MEIOB: variants seen among roughly 807,000 people sequenced by gnomAD.
MEIOB encodes meiosis specific with OB-fold.
A neutral mutation model predicts 53.1 loss-of-function variants in MEIOB; 50 were observed. The observed-to-expected ratio is 0.94, with a 90% CI of 0.75 to 1.19. The LOEUF is 1.19. Ranked by LOEUF, MEIOB falls within the 50% of genes most tolerant of loss-of-function variation. The pLI is 0.00. For synonymous variants in MEIOB, 192 were observed against 182.5 expected, an observed-to-expected ratio of 1.05 and a Z score of -0.42; for missense variants, 551 against 550.8, an observed-to-expected ratio of 1.00 and a Z score of 0.00.
At chr16:1,855,354 C>T (rs1202221077) in intron 6 of MEIOB, among the ~76,000 whole-genome samples, 1 of 152,078 alleles carries the variant, frequency 6.6e-6, no homozygotes, top group Non-Finnish European at 1.5e-5. Flanking sequence ...ATTGCTTGAA[C>T]CCGGGAGGTG....
At chr16:1,841,353 C>T (rs1567273152) in intron 11 of MEIOB, among the ~76,000 whole-genome samples, 1 of 152,092 alleles carries the variant, frequency 6.6e-6, no homozygotes, top group African/African-American at 2.4e-5. Context: ...ATACTAACTT[C>T]GATCTACAAG....
chr16:1,847,095 C>T (rs1198620406), intron 9 of MEIOB, among the ~76,000 whole-genome samples: 1 of 152,016 alleles, frequency 6.6e-6, no homozygotes, highest in African/African-American at 2.4e-5. Flanking sequence ...GCAGAGACTG[C>T]AGTAAGCCGA....
At chr16:1,861,923 C>T in intron 4 of MEIOB, 62 bp downstream of exon 4, 1 of 1,458,680 alleles carries the variant, frequency 6.9e-7, no homozygotes, top group Non-Finnish European at 9.3e-7. Context: ...GTATAGTTAC[C>T]ATAAACATAC....
chr16:1,842,751 C>T (rs1457733691), intron 10 of MEIOB, among the ~76,000 whole-genome samples: 2 of 151,104 alleles, frequency 1.3e-5, no homozygotes, highest in Non-Finnish European at 2.9e-5. Flanking sequence ...GCAAGCTCCG[C>T]CTCCCAGGTT....
chr16:1,855,705 T>C (rs1899282798), intron 6 of MEIOB, among the ~76,000 whole-genome samples: 1 of 152,190 alleles, frequency 6.6e-6, no homozygotes, highest in Non-Finnish European at 1.5e-5. Flanking sequence ...CTGAATAGGA[T>C]TGAACATAAA....
chr16:1,853,065 G>C lies in MEIOB; in HGVS notation c.752C>G (p.Ser251Ter). The C allele has an allele frequency of 6.2e-7, 1 of 1,611,918 alleles. No homozygotes were observed. The highest frequency in any genetic ancestry group is 2.2e-5 in the East Asian group (1 of 44,804). ...TGGATTAGTTGTAATAATGGTTTTT[G>C]AGATTACAGTTGCTGTCATGCAGTT... ...FRNCMTATVISKTIITTNPDI... is the reference protein window; with the variant it reads ...FRNCMTATVI Residue 251 changes from serine to a stop codon, truncating the protein, a stop_gained, in exon 9 of 14, where the codon TCA (serine) becomes TGA (stop). Transcript: ENST00000325962. LOFTEE classifies it high-confidence loss of function.
At chr16:1,870,222 G>A (rs1418317651) in intron 1 of MEIOB, among the ~76,000 whole-genome samples, 1 of 152,196 alleles carries the variant, frequency 6.6e-6, no homozygotes, top group African/African-American at 2.4e-5. Flanking sequence ...AACTACATGA[G>A]GGCAGAGGTG....
intron 12 of MEIOB, 92 bp downstream of exon 12, chr16:1,839,163 T>C: frequency 7.2e-7 from 1 of 1,398,530 alleles, no homozygotes; most frequent in Non-Finnish European, 9.5e-7. Context: ...AATCAATTTC[T>C]ATCAAATGTT....
Position 1,868,278 on chromosome 16 carries a change from C to T in MEIOB, c.-9-94G>A, listed in dbSNP as rs540396527. On this transcript the variant is annotated intron_variant, in intron 1 of 13. Coordinates refer to ENST00000325962, the MANE Select transcript of MEIOB (RefSeq NM_001163560.3). ...AAGAGTTTAAAATCTTATTTAGGGC[C>T]GGACATGGTGGCTCATACCTGTAAT... 3.0e-4 allele frequency: 202 copies of T among 667,808 alleles called. No individual in the cohort carries two copies. In the Admixed American group the frequency reaches 4.5e-3, roughly 15 times the overall value. The allele number at this position is 667,808 out of a possible 1,614,324, so 41.4% of individuals were successfully genotyped here.
Position 1,857,771 on chromosome 16 carries a change from A to G in MEIOB, c.492T>C (p.Asn164=). 1 of 1,552,008 alleles carries G rather than the reference A, an allele frequency of 6.4e-7. No homozygotes were observed. Among genetic ancestry groups the G allele is most frequent in the Admixed American group, 2.0e-5 (1 of 50,964 alleles). ...GDIVANGHSL[N]GRIINVLAAV... ...CTGCAAGCACGTTAATAATCCTCCC[A>G]TTAAGACTGTGTCCATTTGCAACAA... is the stretch of plus-strand genomic sequence containing the variant. Residue 164 remains asparagine (N), a synonymous_variant, in exon 6 of 14, where the codon AAT becomes AAC. Transcript: ENST00000325962.
chr16:1,844,242 C>T (rs1429546743), intron 10 of MEIOB, among the ~76,000 whole-genome samples: 4 of 151,534 alleles, frequency 2.6e-5, no homozygotes, highest in Non-Finnish European at 5.9e-5. Flanking sequence ...CCTGCCTCAG[C>T]CTCCTGAGTA....
At chr16:1,845,001 G>A in intron 9 of MEIOB, 38 bp from the exon 10 acceptor site, 1 of 901,194 alleles carries the variant, frequency 1.1e-6, no homozygotes, top group Non-Finnish European at 1.8e-6. Context: ...AAAGCAAACT[G>A]ATTATCATTT....
chr16:1,855,150 G>C (rs1246195273), intron 6 of MEIOB, among the ~76,000 whole-genome samples: 1 of 152,206 alleles, frequency 6.6e-6, no homozygotes, highest in African/African-American at 2.4e-5. Flanking sequence ...AGTGTGAAGA[G>C]TGGCCGGGAG....
intron 11 of MEIOB, 41 bp from the exon 12 acceptor site, chr16:1,839,479 A>T: frequency 6.5e-7 from 1 of 1,537,764 alleles, no homozygotes; most frequent in Non-Finnish European, 8.8e-7. Flanking sequence ...TGATGCCCTA[A>T]GCTACAAATT....
At chr16:1,854,707 C>T (rs1899258478) in intron 6 of MEIOB, among the ~76,000 whole-genome samples, 1 of 152,152 alleles carries the variant, frequency 6.6e-6, no homozygotes, top group Admixed American at 6.5e-5. Context: ...TTTGCCTTCT[C>T]CACAGGGCTA....
rs181182070 is a variant in MEIOB, at chr16:1,869,964, C to A, written c.-9-1780G>T. On this transcript the variant is annotated intron_variant, in intron 1 of 13. Transcript: ENST00000325962. ...TCAGCTCACTGCAACCTCTACCTCC[C>A]AGGTTCAAGCGATTCTCCTGCCTCA... Among the ~76,000 whole-genome samples, 924 of 150,374 alleles carry A rather than the reference C, an allele frequency of 6.1e-3. 7 individuals carry two copies. Among genetic ancestry groups the A allele is most frequent in the African/African-American group, 0.021 (876 of 40,870 alleles).
Position 1,844,952 on chromosome 16 carries a change from C to T in MEIOB, c.790G>A (p.Ala264Thr), listed in dbSNP as rs1898994950. ...CGTATAAAATTCAGCAGAATGTTAG[C>T]TTCTGGTATATCTTAAATTGAAAAT... ...IITTNPDIPE[A>T]NILLNFIREN... Residue 264 changes from alanine (A) to threonine (T), a missense_variant, in exon 10 of 14, where the codon GCT (alanine) becomes ACT (threonine). Coordinates refer to ENST00000325962, the MANE Select transcript of MEIOB (RefSeq NM_001163560.3). 1 of 1,495,708 alleles carries T rather than the reference C, an allele frequency of 6.7e-7. No individual in the cohort carries two copies. The highest frequency in any genetic ancestry group is 2.3e-5 in the East Asian group (1 of 43,486). 92.7% of individuals were successfully genotyped at this position (1,495,708 alleles called of 1,614,324 possible).
chr16:1,839,906 G>A (rs3848347), intron 11 of MEIOB: 27,274 of 154,042 alleles, frequency 0.18, 2,585 homozygotes, highest in South Asian at 0.27. Flanking sequence ...GCTGCTCACT[G>A]GATGGGCCTG....
At chr16:1,844,618 T>A (rs954104801) in intron 10 of MEIOB, among the ~76,000 whole-genome samples, 3 of 151,688 alleles carry the variant, frequency 2.0e-5, no homozygotes, top group African/African-American at 7.3e-5. Context: ...CATCCCATGA[T>A]ACCTGGCTAA....
Sources: allele counts gnomAD v4.1 joint callset (sites outside exome capture counted in the v4.1 genomes callset), GRCh38; gene constraint gnomAD v4.1.1; transcripts MANE v1.5; gene names NCBI Gene and HGNC (gene_info 2026-07-23, HGNC 2026-07-21).